Variants in DCC observed in about 807,000 individuals in gnomAD.
DCC encodes DCC netrin 1 receptor.
In DCC, 58 loss-of-function variants were observed where a neutral mutation model predicts 172.5. The ratio of observed to expected loss-of-function variants is 0.34; its 90% CI spans 0.27 to 0.42. The LOEUF (loss-of-function observed/expected upper bound fraction) is 0.42. DCC is among the 10% of genes least tolerant of loss of function. The pLI, the probability that DCC is intolerant of heterozygous loss-of-function variation, is 1.00. For synonymous variants in DCC, 709 were observed against 644.5 expected (o/e 1.10, Z -1.52); for missense variants, 1,740 against 1,791.0 (o/e 0.97, Z 0.51).
At chr18:52,853,326 G>A (rs946601503) in intron 2 of DCC, among the ~76,000 whole-genome samples, 5 of 152,210 alleles carry the variant, frequency 3.3e-5, no homozygotes, top group African/African-American at 1.2e-4. Flanking sequence ...GAAGTCGTAA[G>A]ACCATCCTGT....
intron 3 of DCC, among the ~76,000 whole-genome samples, chr18:52,915,829 T>C (rs2040031589): frequency 6.6e-6 from 1 of 152,150 alleles, no homozygotes. Flanking sequence ...AAACCATTTC[T>C]ATGTTGAAGG....
chr18:52,493,874 ATATACT>A (rs929458694), intron 1 of DCC, among the ~76,000 whole-genome samples: 115 of 152,176 alleles, frequency 7.6e-4, no homozygotes, highest in African/African-American at 2.7e-3. Context: ...TTAATTCTAA[ATATACT>A]TTAAAGGCCA....
chr18:53,307,479 A>G (rs1179786567), intron 13 of DCC, among the ~76,000 whole-genome samples: 1 of 152,092 alleles, frequency 6.6e-6, no homozygotes, highest in East Asian at 1.9e-4. Context: ...AGAGTAGAGG[A>G]GACACTAAGG....
Position 53,258,048 on chromosome 18 carries a change from G to T in DCC, c.1911+42451G>T, listed in dbSNP as rs951197268. ...TGGTAGCTTGTATTTCTGTGGGATC[G>T]GTGGTGATATCCCTTTTATCATTTT... On this transcript the variant is annotated intron_variant, in intron 12 of 28. Coordinates refer to ENST00000442544, the MANE Select transcript of DCC (RefSeq NM_005215.4). Among the ~76,000 whole-genome samples, 5 of 151,976 alleles carry T rather than the reference G, an allele frequency of 3.3e-5. No homozygotes were observed. In the East Asian group the frequency reaches 7.7e-4, roughly 23 times the overall value.
At position 52,866,344 on chromosome 18, in the gene DCC, C is replaced by T. The variant is rs571040589; in HGVS notation, c.413-39700C>T. On this transcript the variant is annotated intron_variant, in intron 2 of 28. Transcript: ENST00000442544. ...GTAGCATGATGTCTCCAGCTTTGTT[C>T]CTTTTGCTTAGGATTGTCTTGGCTA... 4.6e-5 allele frequency among the ~76,000 whole-genome samples: 7 copies of T among 152,172 alleles called. No homozygotes were observed. The South Asian group carries it at 1.2e-3, about 27-fold the overall frequency.
chr18:52,946,638 TC>T (rs1377244849), intron 5 of DCC, among the ~76,000 whole-genome samples: 2 of 152,144 alleles, frequency 1.3e-5, no homozygotes, highest in East Asian at 3.9e-4. Context: ...TAGCAGAAAT[TC>T]AAGGGAGAAA....
At chr18:53,343,130 A>C (rs1599043137) in intron 15 of DCC, among the ~76,000 whole-genome samples, 1 of 151,724 alleles carries the variant, frequency 6.6e-6, no homozygotes, top group Non-Finnish European at 1.5e-5. Context: ...AAAGTTTTAT[A>C]TTTAGTTTCT....
rs200213348 is a variant in DCC, at chr18:53,099,939, C to CTTTTTTTTTT, written c.1261+33776_1261+33777insTTTTTTTTTT. Among the ~76,000 whole-genome samples the CTTTTTTTTTT allele has an allele frequency of 1.4e-3, 124 of 87,150 alleles. 10 individuals are homozygous for CTTTTTTTTTT. Among genetic ancestry groups the CTTTTTTTTTT allele is most frequent in the African/African-American group, 3.9e-3 (74 of 18,822 alleles). The allele number at this position is 87,150 out of a possible 152,430, so 57.2% of individuals were successfully genotyped here. A position where few individuals can be genotyped will look rare whatever the true frequency, so the allele number is the denominator to read the frequency against. On this transcript the variant is annotated intron_variant, in intron 7 of 28. Coordinates refer to ENST00000442544, the MANE Select transcript of DCC (RefSeq NM_005215.4). ...AAGAGACTTTTCTTTTCTTTTCTTT[C>CTTTTTTTTTT]TTTCTTTTTTTTTTTTTTTTTGTTT... is the stretch of plus-strand genomic sequence containing the variant.
chr18:52,947,112 C>T (rs1489261913), intron 5 of DCC, among the ~76,000 whole-genome samples: 1 of 152,034 alleles, frequency 6.6e-6, no homozygotes, highest in African/African-American at 2.4e-5. Flanking sequence ...TGAGTCTCTG[C>T]ATTGGTGTGA....
chr18:52,422,733 A>C (rs1334781750), intron 1 of DCC, among the ~76,000 whole-genome samples: 1 of 152,194 alleles, frequency 6.6e-6, no homozygotes, highest in East Asian at 1.9e-4. Flanking sequence ...ATGTAGAAGA[A>C]AGGAAGCGGC....
chr18:53,257,392 T>A (rs2056533668), intron 12 of DCC, among the ~76,000 whole-genome samples: 1 of 152,240 alleles, frequency 6.6e-6, no homozygotes, highest in South Asian at 2.1e-4. Context: ...ATCCCATCAA[T>A]AACTAATTTA....
At chr18:53,467,078 C>T (rs980949062) in intron 24 of DCC, among the ~76,000 whole-genome samples, 1 of 152,162 alleles carries the variant, frequency 6.6e-6, no homozygotes, top group African/African-American at 2.4e-5. Context: ...TGCCTCTTGC[C>T]TATCCCAAAT....
At chr18:53,312,942 G>A (rs117669430) in intron 13 of DCC, among the ~76,000 whole-genome samples, 10,824 of 121,648 alleles carry the variant, frequency 0.089, 670 homozygotes, top group East Asian at 0.2. Flanking sequence ...AAGGGAAAGG[G>A]AGGGGAGGGA....
rs1013793711 is a variant in DCC, at chr18:53,109,690, T to G, written c.1261+43524T>G. 2.7e-5 allele frequency among the ~76,000 whole-genome samples: 4 copies of G among 150,912 alleles called. No individual in the cohort carries two copies. The Admixed American group carries it at 2.7e-4, about 10-fold the overall frequency. The stretch of plus-strand genomic sequence containing the variant: ...TTCGTCTGCTGGGAAGATTTGGTAA[T>G]GAGAAGACATTTTTGACTGTCATTA... On this transcript the variant is annotated intron_variant, in intron 7 of 28. Coordinates refer to ENST00000442544, the MANE Select transcript of DCC (RefSeq NM_005215.4).
intron 1 of DCC, among the ~76,000 whole-genome samples, chr18:52,451,910 T>G (rs922172537): frequency 6.6e-6 from 1 of 152,162 alleles, no homozygotes; most frequent in African/African-American, 2.4e-5. Flanking sequence ...GAACTTCTGC[T>G]TCTGTCTTCT....
At chr18:52,915,135 C>G (rs916194625) in intron 3 of DCC, among the ~76,000 whole-genome samples, 2 of 152,070 alleles carry the variant, frequency 1.3e-5, no homozygotes, top group Non-Finnish European at 2.9e-5. Flanking sequence ...AATTTAATTT[C>G]TCTGTGTCTC....
At chr18:53,058,235 G>A (rs1191706833) in intron 5 of DCC, among the ~76,000 whole-genome samples, 2 of 152,070 alleles carry the variant, frequency 1.3e-5, no homozygotes, top group African/African-American at 4.8e-5. Context: ...TTAATAGCAA[G>A]TAGAATTAGT....
intron 21 of DCC, among the ~76,000 whole-genome samples, chr18:53,423,364 G>GGGATGA (rs1910741110): frequency 6.6e-6 from 1 of 152,076 alleles, no homozygotes; most frequent in Non-Finnish European, 1.5e-5. Flanking sequence ...AAAACAGATG[G>GGGATGA]GTCACTGTTG....
rs564734101 is a variant in DCC, at chr18:52,659,345, C to G, written c.92-92709C>G. Among the ~76,000 whole-genome samples the G allele has an allele frequency of 2.0e-5, 3 of 152,268 alleles. No individual in the cohort carries two copies. In the South Asian group the frequency reaches 6.2e-4, roughly 32 times the overall value. ...AAAGCAAAGAAAGGGGACCAAGTAA[C>G]CTAAATATATTATTGCCTGGAGGGA... On this transcript the variant is annotated intron_variant, in intron 1 of 28. Transcript: ENST00000442544.
Sources: gnomAD v4.1 joint callset for allele counts (sites outside exome capture counted in the v4.1 genomes callset) on GRCh38, gnomAD v4.1.1 for gene constraint, MANE v1.5 for transcripts, NCBI Gene and HGNC (gene_info 2026-07-23, HGNC 2026-07-21) for gene names.